Variants in DNAH5 observed in about 807,000 individuals in gnomAD.
The protein encoded by DNAH5 is dynein axonemal heavy chain 5.
DNAH5 carries 372 observed loss-of-function variants against 518.2 expected under a neutral mutation model. The ratio of observed to expected loss-of-function variants is 0.72; its 90% CI spans 0.66 to 0.78. The LOEUF is 0.78. Ranked by LOEUF, DNAH5 falls within the 30% of genes least tolerant of loss-of-function variation. The pLI is 0.00. For missense variants in DNAH5, 5,523 were observed against 5,687.0 expected, an observed-to-expected ratio of 0.97 and a Z score of 0.93; for synonymous variants, 2,039 against 2,025.9, an observed-to-expected ratio of 1.01 and a Z score of -0.17.
chr5:13,751,325 A>G (rs1750196909), intron 64 of DNAH5, 65 bp from the exon 65 acceptor site: 1 of 1,387,972 alleles, frequency 7.2e-7, no homozygotes, highest in Non-Finnish European at 1.0e-6. Context: ...TCTTTTTTGT[A>G]TCAGATCAAG....
intron 40 of DNAH5, 73 bp downstream of exon 40, chr5:13,823,190 G>T: frequency 9.8e-7 from 1 of 1,015,704 alleles, no homozygotes; most frequent in South Asian, 1.3e-5. Context: ...TGGAGCCACA[G>T]CAGCCCCACT....
At chr5:13,900,003 C>T (rs1046862855) in intron 15 of DNAH5, 2 of 583,058 alleles carry the variant, frequency 3.4e-6, no homozygotes, top group Non-Finnish European at 6.0e-6. Context: ...CAAAATAAAA[C>T]CCAAGCTTCT....
chr5:13,925,294 A>G (rs931623991), intron 3 of DNAH5, among the ~76,000 whole-genome samples: 1 of 152,250 alleles, frequency 6.6e-6, no homozygotes, highest in African/African-American at 2.4e-5. Flanking sequence ...AAAAATCTGC[A>G]GAAATTTCAA....
At chr5:13,972,669 ACTCGGAGTTT>A (rs1463443755) in intron 1 of DNAH5, among the ~76,000 whole-genome samples, 1 of 152,016 alleles carries the variant, frequency 6.6e-6, no homozygotes, top group Non-Finnish European at 1.5e-5. Context: ...CACTTTGGGC[ACTCGGAGTTT>A]CTCAGCTGTC....
rs1579982598 is a variant in DNAH5 at position 13,737,643 on chromosome 5, G to A, written c.11212-148C>T. ...GGAAATATGGACATCAAAAAAGAAG[G>A]GCCGGGCGCAGGGGCTCACACCTGT... is the stretch of plus-strand genomic sequence containing the variant. On this transcript the variant is annotated intron_variant, in intron 65 of 78. Transcript: ENST00000265104. The A allele has an allele frequency of 6.6e-6, 6 of 903,260 alleles. No individual in the cohort carries two copies. In the East Asian group the frequency reaches 1.6e-4, roughly 24 times the overall value. 56.0% of individuals were successfully genotyped at this position (903,260 alleles called of 1,614,324 possible). A position where few individuals can be genotyped will look rare whatever the true frequency, so the allele number is the denominator to read the frequency against.
intron 1 of DNAH5, among the ~76,000 whole-genome samples, chr5:13,957,234 C>T (rs1031275640): frequency 3.9e-5 from 6 of 152,220 alleles, no homozygotes; most frequent in Non-Finnish European, 8.8e-5. Flanking sequence ...ACTCTGGAAA[C>T]AGCTGACTAC....
Position 13,735,831 on chromosome 5 carries a change from G to A in DNAH5, c.11557C>T (p.Leu3853Phe), listed in dbSNP as rs1222348393. The change falls in exon 67 of 79, where the codon CTT becomes TTT. Residue 3853 changes from leucine to phenylalanine, a missense_variant. Transcript: ENST00000265104. ...SLRQFLGLFD[L>F]SLARSVKSPI... ...GTACAGACGTACCTGGCTAAGGAAA[G>A]GTCAAATAAGCCCAGAAACTGGCGA... 4 of 1,614,012 alleles carry A rather than the reference G, an allele frequency of 2.5e-6. No individual in the cohort carries two copies. In the South Asian group the frequency reaches 4.4e-5, roughly 18 times the overall value.
At chr5:13,752,957 C>T (rs1750447483) in intron 63 of DNAH5, among the ~76,000 whole-genome samples, 1 of 152,312 alleles carries the variant, frequency 6.6e-6, no homozygotes, top group East Asian at 1.9e-4. Context: ...TGTGATACAG[C>T]TCTGCCGTTC....
intron 50 of DNAH5, among the ~76,000 whole-genome samples, chr5:13,790,464 G>C (rs1756788109): frequency 6.6e-6 from 1 of 152,098 alleles, no homozygotes; most frequent in Admixed American, 6.6e-5. Flanking sequence ...ACCAAATACT[G>C]CATGATATGT....
intron 50 of DNAH5, 49 bp downstream of exon 50, chr5:13,791,945 T>C (rs760890765): frequency 7.1e-7 from 1 of 1,417,578 alleles, no homozygotes; most frequent in Non-Finnish European, 9.8e-7. Context: ...ATTTAGAATA[T>C]ATCATTAATA....
intron 1 of DNAH5, among the ~76,000 whole-genome samples, chr5:13,957,272 C>T (rs1780823301): frequency 6.6e-6 from 1 of 152,278 alleles, no homozygotes; most frequent in African/African-American, 2.4e-5. Flanking sequence ...CATCCAGTGG[C>T]TGAAAGTATA....
intron 21 of DNAH5, among the ~76,000 whole-genome samples, chr5:13,882,201 A>AT (rs1276772551): frequency 6.6e-6 from 1 of 152,094 alleles, no homozygotes; most frequent in African/African-American, 2.4e-5. Flanking sequence ...CTACCACCAG[A>AT]TGGTTGCATA....
intron 1 of DNAH5, among the ~76,000 whole-genome samples, chr5:13,934,368 GAATA>G (rs1778719148): frequency 6.6e-6 from 1 of 152,116 alleles, no homozygotes; most frequent in Admixed American, 6.5e-5. Flanking sequence ...GTCACTCACA[GAATA>G]AAGAGAGATA....
Position 13,810,171 on chromosome 5 carries a change from G to A in DNAH5, c.7497C>T (p.Asp2499=), listed in dbSNP as rs891659169. 3 of 1,548,892 alleles carry A rather than the reference G, an allele frequency of 1.9e-6. No individual in the cohort carries two copies. In the African/African-American group the frequency reaches 4.1e-5, roughly 21 times the overall value. Residue 2499 remains aspartate (D), a synonymous_variant, in exon 45 of 79, where the codon GAC becomes GAT. Coordinates refer to ENST00000265104, the MANE Select transcript of DNAH5 (RefSeq NM_001369.3). The part of the protein sequence containing the change: ...LWSAGAALEL[D]GRRRLELWLR... ...GCCAGAGCTCCAGGCGGCGCCGTCC[G>A]TCCAGCTCCAGCGCCGCCCCCGCGC... is the stretch of plus-strand genomic sequence containing the variant.
intron 1 of DNAH5, among the ~76,000 whole-genome samples, chr5:13,938,383 A>C (rs1779146945): frequency 6.6e-6 from 1 of 152,194 alleles, no homozygotes. Context: ...TAGATACAGT[A>C]CAATAAGATA....
chr5:13,905,323 A>T (rs1294362069), intron 12 of DNAH5, among the ~76,000 whole-genome samples: 3 of 152,184 alleles, frequency 2.0e-5, no homozygotes, highest in African/African-American at 7.2e-5. Flanking sequence ...GATTAATGTT[A>T]TCGCAGGAGT....
intron 15 of DNAH5, chr5:13,897,895 T>A (rs962148): frequency 8.6e-5 from 13 of 151,952 alleles, no homozygotes; most frequent in African/African-American, 3.1e-4. Flanking sequence ...CTGTGAGACA[T>A]CTGAGGCTAT....
chr5:13,788,657 C>T lies in DNAH5; in HGVS notation c.8647+59G>A, dbSNP rs949131653. On this transcript the variant is annotated intron_variant, in intron 51 of 78. Transcript: ENST00000265104. ...ATCCATAAACTGAATCTTCTGTCTT[C>T]AGATTTCCCTTTAGGGAACACCTTT... 3 of 1,418,420 alleles carry T rather than the reference C, an allele frequency of 2.1e-6. No individual in the cohort carries two copies. The African/African-American group carries it at 4.2e-5, about 20-fold the overall frequency. The allele number at this position is 1,418,420 out of a possible 1,614,324, so 87.9% of individuals were successfully genotyped here.
chr5:13,765,789 A>C (rs967261987), intron 59 of DNAH5, among the ~76,000 whole-genome samples, 187 bp downstream of exon 59: 1 of 152,212 alleles, frequency 6.6e-6, no homozygotes, highest in Non-Finnish European at 1.5e-5. Flanking sequence ...ATGATGCTTT[A>C]ATACAACTAA....
Sources: allele counts gnomAD v4.1 joint callset (sites outside exome capture counted in the v4.1 genomes callset), GRCh38; gene constraint gnomAD v4.1.1; transcripts MANE v1.5; gene names NCBI Gene and HGNC (gene_info 2026-07-23, HGNC 2026-07-21).